CNGB1: variants seen among roughly 807,000 people sequenced by gnomAD.
CNGB1 encodes cyclic nucleotide gated channel subunit beta 1.
In CNGB1, 126 loss-of-function variants were observed where a neutral mutation model predicts 151.7. The ratio of observed to expected loss-of-function variants is 0.83; its 90% confidence interval spans 0.72 to 0.96. The LOEUF is 0.96. Among genes scored for constraint, CNGB1 ranks in the 40% least tolerant of loss-of-function variants. The pLI is 0.00. For missense variants in CNGB1, 1,698 were observed against 1,627.0 expected (o/e 1.04, Z -0.75); for synonymous variants, 623 against 635.1 (o/e 0.98, Z 0.29).
chr16:57,969,355 A>G (rs1962483948), intron 1 of CNGB1, among the ~76,000 whole-genome samples: 1 of 149,374 alleles, frequency 6.7e-6, no homozygotes, highest in Non-Finnish European at 1.5e-5. Context: ...TGTGGCTCAC[A>G]CCTGCAATCC....
chr16:57,945,702 G>C (rs1961789021), intron 14 of CNGB1, among the ~76,000 whole-genome samples: 1 of 152,216 alleles, frequency 6.6e-6, no homozygotes, highest in Non-Finnish European at 1.5e-5. Flanking sequence ...ACGCTTACTG[G>C]CAGGGCTCTG....
At chr16:57,926,469 G>C (rs756665366) in intron 17 of CNGB1, among the ~76,000 whole-genome samples, 18 of 152,182 alleles carry the variant, frequency 1.2e-4, no homozygotes, top group Non-Finnish European at 2.6e-4. Flanking sequence ...CCAGAGGGAG[G>C]GATGTGTGAC....
At position 57,904,780 on chromosome 16, in the gene CNGB1, A is replaced by G. The variant is rs775221561; in HGVS notation, c.2588T>C (p.Leu863Pro). 6.2e-7 allele frequency: 1 copy of G among 1,614,218 alleles called. No individual in the cohort carries two copies. Among genetic ancestry groups the G allele is most frequent in the Non-Finnish European group, 8.5e-7 (1 of 1,180,044 alleles). Residue 863 changes from leucine to proline, a missense_variant, in exon 26 of 33, where the codon CTG becomes CCG. Leu to Pro is a moderately conservative substitution (Grantham distance 98). Coordinates refer to ENST00000251102, the MANE Select transcript of CNGB1 (RefSeq NM_001297.5). The stretch of plus-strand genomic sequence containing the variant: ...AGCAAAGACGCCCGTGAAATAATTC[A>G]GCAGCTGGAAGACAATTTCAAAGAG... Reference protein sequence around the residue: ...KTLFEIVFQLLNYFTGVFAFS... With the variant: ...KTLFEIVFQLPNYFTGVFAFS...
chr16:57,904,232 A>G (rs1478625917), intron 26 of CNGB1, among the ~76,000 whole-genome samples: 1 of 152,070 alleles, frequency 6.6e-6, no homozygotes, highest in Non-Finnish European at 1.5e-5. Flanking sequence ...GGTCCCTGGG[A>G]CCACACCATG....
chr16:57,897,454 A>G lies in CNGB1; in HGVS notation c.3185T>C (p.Leu1062Pro). ...AGGATAATGCACCAAAATCTCATTC[A>G]GGTCCTTCTTATCCAGGATGAAGAG... Reference protein sequence around the residue: ...TNLFILDKKDLNEILVHYPES... With the variant: ...TNLFILDKKDPNEILVHYPES... The change falls in exon 31 of 33, where the codon CTG (leucine) becomes CCG (proline). Residue 1062 changes from leucine to proline, a missense_variant. By Grantham distance (98) the Leu-to-Pro change is moderately conservative. Coordinates refer to ENST00000251102, the MANE Select transcript of CNGB1 (RefSeq NM_001297.5). 1 of 1,614,230 alleles carries G rather than the reference A, an allele frequency of 6.2e-7. No individual in the cohort carries two copies. The highest frequency in any genetic ancestry group is 8.5e-7 in the Non-Finnish European group (1 of 1,180,030).
At chr16:57,939,300 G>A in intron 16 of CNGB1, 130 bp downstream of exon 16, 5 of 1,289,506 alleles carry the variant, frequency 3.9e-6, no homozygotes, top group South Asian at 2.4e-5. Flanking sequence ...AGACAGGGTG[G>A]CTGAGGGGGC....
chr16:57,950,259 A>G (rs1327349717), intron 13 of CNGB1, 122 bp downstream of exon 13: 31 of 1,189,288 alleles, frequency 2.6e-5, no homozygotes, highest in South Asian at 2.1e-4. Context: ...TGGCTGTATG[A>G]AGGCAGGGGG....
chr16:57,890,346 GAC>G (rs1298963657), intron 31 of CNGB1, among the ~76,000 whole-genome samples: 1 of 152,202 alleles, frequency 6.6e-6, no homozygotes, highest in Non-Finnish European at 1.5e-5. Flanking sequence ...AGACGCCTCT[GAC>G]ACGCGCCAGC....
At chr16:57,962,500 A>G in intron 7 of CNGB1, 65 bp downstream of exon 7, 1 of 1,468,944 alleles carries the variant, frequency 6.8e-7, no homozygotes, top group Non-Finnish European at 9.5e-7. Flanking sequence ...TGCTCCTGAA[A>G]CCAAGGACCT....
At position 57,925,958 on chromosome 16, in the gene CNGB1, G is replaced by A. The variant is rs557720888; in HGVS notation, c.1536-2578C>T. Among the ~76,000 whole-genome samples, 3 of 152,282 alleles carry A rather than the reference G, an allele frequency of 2.0e-5. No individual in the cohort carries two copies. The East Asian group carries it at 5.8e-4, about 29-fold the overall frequency. On this transcript the variant is annotated intron_variant, in intron 17 of 32. Transcript: ENST00000251102. ...CTACCTCAGCCTCCCAAAGTGCTGG[G>A]ATTACCGGCATGAGCCACCGCCCCC...
In CNGB1 at chr16:57,920,563, A is replaced by G. The variant is rs749556464; in HGVS notation, c.1644-19T>C. ...CTGGCCACTGTGGGAACATCACCCA[A>G]AGCTGAGCAGGCTGAGCCGGGAGGG... On this transcript the variant is annotated intron_variant, in intron 18 of 32. Coordinates refer to ENST00000251102, the MANE Select transcript of CNGB1 (RefSeq NM_001297.5). 15 of 1,610,196 alleles carry G rather than the reference A, an allele frequency of 9.3e-6. No individual in the cohort carries two copies. The African/African-American group carries it at 1.7e-4, about 19-fold the overall frequency.
rs10598722 is a variant in CNGB1, at chr16:57,952,493, C to CTTTTTTTTTTT, written c.875-1964_875-1954dup. Among the ~76,000 whole-genome samples, 8 of 62,142 alleles carry CTTTTTTTTTTT rather than the reference C, an allele frequency of 1.3e-4. 2 individuals are homozygous for CTTTTTTTTTTT. The highest frequency in any genetic ancestry group is 5.6e-5 in the Non-Finnish European group (2 of 35,432). The allele number at this position is 62,142 out of a possible 152,430, so 40.8% of individuals were successfully genotyped here. A position where few individuals can be genotyped will look rare whatever the true frequency, so the allele number is the denominator to read the frequency against. On this transcript the variant is annotated intron_variant, in intron 12 of 32. Coordinates refer to ENST00000251102, the MANE Select transcript of CNGB1 (RefSeq NM_001297.5). ...TGCGTGGGTGTTTTACAAGCATTTC[C>CTTTTTTTTTTT]TTTTTTTTTTTTTTTTTTTTTTTTT...
At chr16:57,956,490 C>T (rs1235645516) in intron 12 of CNGB1, among the ~76,000 whole-genome samples, 3 of 152,206 alleles carry the variant, frequency 2.0e-5, no homozygotes, top group African/African-American at 7.2e-5. Flanking sequence ...TGGCGGCCAC[C>T]CCCGGCTTCA....
At chr16:57,896,427 T>C (rs1960226170) in intron 31 of CNGB1, among the ~76,000 whole-genome samples, 1 of 152,046 alleles carries the variant, frequency 6.6e-6, no homozygotes, top group Non-Finnish European at 1.5e-5. Flanking sequence ...ATAACTGGCC[T>C]GTATGGGCTG....
intron 1 of CNGB1, among the ~76,000 whole-genome samples, chr16:57,970,304 A>C (rs1378388391): frequency 6.6e-6 from 1 of 152,190 alleles, no homozygotes; most frequent in African/African-American, 2.4e-5. Context: ...GGCAGCCCCG[A>C]GAGCCAGGGC....
chr16:57,964,635 C>A, intron 2 of CNGB1, 91 bp from the exon 3 acceptor site: 1 of 1,288,272 alleles, frequency 7.8e-7, no homozygotes, highest in South Asian at 1.2e-5. Context: ...GGGATCCCTG[C>A]CCCACAAAAG....
At chr16:57,915,436 G>A (rs1457568589) in intron 22 of CNGB1, 101 bp from the exon 23 acceptor site, 1 of 914,772 alleles carries the variant, frequency 1.1e-6, no homozygotes, top group African/African-American at 1.6e-5. Context: ...GGAAAGGTGA[G>A]GTCAGAATGC....
intron 23 of CNGB1, among the ~76,000 whole-genome samples, chr16:57,914,183 C>T (rs1014704242): frequency 6.6e-6 from 1 of 152,180 alleles, no homozygotes; most frequent in African/African-American, 2.4e-5. Context: ...TTTGCCCCCT[C>T]ACTGGGGCCA....
chr16:57,923,483 G>T, intron 17 of CNGB1, 103 bp from the exon 18 acceptor site: 1 of 924,616 alleles, frequency 1.1e-6, no homozygotes, highest in Non-Finnish European at 1.7e-6. Flanking sequence ...CCAATTCCTA[G>T]ATAGAGGATG....
Sources: gnomAD v4.1 joint callset for allele counts (sites outside exome capture counted in the v4.1 genomes callset) on GRCh38, gnomAD v4.1.1 for gene constraint, MANE v1.5 for transcripts, NCBI Gene and HGNC (gene_info 2026-07-23, HGNC 2026-07-21) for gene names.